RGS3: variants seen among roughly 807,000 people sequenced by gnomAD.
RGS3 encodes the protein regulator of G protein signaling 3.
Under a neutral mutation model 132.6 loss-of-function variants are expected in RGS3, and 80 were observed. The ratio of observed to expected loss-of-function variants is 0.60; its 90% confidence interval spans 0.50 to 0.73. The LOEUF is 0.73. Among genes scored for constraint, RGS3 ranks in the 30% least tolerant of loss-of-function variants. The pLI is 0.00. For synonymous variants in RGS3, 598 were observed against 620.6 expected (o/e 0.96, Z 0.54); for missense variants, 1,382 against 1,530.8 (o/e 0.90, Z 1.62).
At chr9:113,556,933 C>G (rs764815265) in intron 19 of RGS3, among the ~76,000 whole-genome samples, 17 of 152,222 alleles carry the variant, frequency 1.1e-4, no homozygotes, top group Admixed American at 2.0e-4. Flanking sequence ...GGGTCTCCCT[C>G]TTCCTACTCC....
chr9:113,469,015 C>G (rs989543767), intron 3 of RGS3, among the ~76,000 whole-genome samples: 2 of 145,400 alleles, frequency 1.4e-5, no homozygotes, highest in African/African-American at 5.1e-5. Context: ...GCAGAGTAGA[C>G]TTAGGAGTGT....
At chr9:113,479,919 G>T (rs770464501) in intron 4 of RGS3, among the ~76,000 whole-genome samples, 2 of 151,922 alleles carry the variant, frequency 1.3e-5, no homozygotes, top group Admixed American at 1.3e-4. Flanking sequence ...TTTATTCATT[G>T]GTTGACAGGC....
intron 19 of RGS3, among the ~76,000 whole-genome samples, chr9:113,553,459 A>AAAAAAAATATATATAT (rs1426114805): frequency 1.7e-5 from 1 of 58,702 alleles, no homozygotes; most frequent in African/African-American, 7.2e-5. Flanking sequence ...AAAAAAAAAA[A>AAAAAAAATATATATAT]ATATATATAT....
intron 19 of RGS3, among the ~76,000 whole-genome samples, chr9:113,569,446 T>A (rs1402638519): frequency 1.3e-5 from 2 of 152,022 alleles, no homozygotes; most frequent in African/African-American, 4.8e-5. Flanking sequence ...AAGTCAAGGG[T>A]TGGAAGCAAT....
At chr9:113,490,297 A>G (rs903327745) in intron 7 of RGS3, among the ~76,000 whole-genome samples, 2 of 152,092 alleles carry the variant, frequency 1.3e-5, no homozygotes, top group African/African-American at 4.8e-5. Context: ...TATATGGCCA[A>G]TCTTATTTCA....
chr9:113,538,428 A>AG (rs1481181334), intron 19 of RGS3, among the ~76,000 whole-genome samples: 4 of 152,294 alleles, frequency 2.6e-5, no homozygotes, highest in African/African-American at 9.6e-5. Context: ...CCTATGCCCC[A>AG]GTTTTTTTTC....
At chr9:113,594,965 C>G in exon 23 of RGS3, 2 of 1,614,122 alleles carry the variant, frequency 1.2e-6, no homozygotes, top group Non-Finnish European at 8.5e-7. Flanking sequence ...CTTGGAGAAG[C>G]TGCTGGTTCA....
At chr9:113,459,435 G>T (rs547700713), upstream of RGS3, among the ~76,000 whole-genome samples, 39 of 152,098 alleles carry the variant, frequency 2.6e-4, no homozygotes, top group South Asian at 3.1e-3. Context: ...ATACAATAAG[G>T]TTGCAGTGGT....
In RGS3 at chr9:113,593,680, G is replaced by A. The variant is rs1835562725; in HGVS notation, c.3081-750G>A. On this transcript the variant is annotated intron_variant, in intron 21 of 24. Transcript: ENST00000350696. ...CTCTGGGAGGTGCCCTGTACAGGGG[G>A]TCTAGGGAAAAGAGGGGCGAACATG... The A allele has an allele frequency of 7.2e-6, 4 of 553,818 alleles. No individual in the cohort carries two copies. The East Asian group carries it at 9.3e-5, about 13-fold the overall frequency. 34.3% of individuals were successfully genotyped at this position (553,818 alleles called of 1,614,324 possible).
exon 20 of RGS3, chr9:113,583,649 C>T (rs765962822): frequency 1.2e-6 from 2 of 1,614,178 alleles, no homozygotes; most frequent in South Asian, 1.1e-5. Context: ...AGCAAAGACT[C>T]AGCTACCTCT....
intron 10 of RGS3, among the ~76,000 whole-genome samples, chr9:113,498,709 G>A (rs1588163101): frequency 1.3e-5 from 2 of 152,266 alleles, no homozygotes; most frequent in South Asian, 2.1e-4. Flanking sequence ...GAGGTAAGGA[G>A]TTCAAGACCA....
At position 113,463,596 on chromosome 9, in the gene RGS3, C is replaced by CTGCT. The variant is rs1829526425; in HGVS notation, c.415+1395_415+1396insTGCT. ...GGTCGGCGGCGCCGCCTCCCCCACC[C>CTGCT]CGGCCCAGCTCTGCTCCGGCAGGTG... On this transcript the variant is annotated intron_variant, in intron 3 of 24. Transcript: ENST00000350696. The surrounding 1 kb of genome is among the most constrained non-coding windows in gnomAD (Gnocchi z 4.6). The CTGCT allele has an allele frequency of 9.6e-7, 1 of 1,039,914 alleles. No homozygotes were observed. The highest frequency in any genetic ancestry group is 1.3e-6 in the Non-Finnish European group (1 of 788,966). 64.4% of individuals were successfully genotyped at this position (1,039,914 alleles called of 1,614,324 possible).
chr9:113,501,343 T>C, intron 10 of RGS3: 5 of 1,222,990 alleles, frequency 4.1e-6, no homozygotes, highest in Non-Finnish European at 5.4e-6. Context: ...AATTTTAATA[T>C]AAAACTCTCC....
In RGS3 at chr9:113,579,761, C is replaced by T. The variant is rs921254124; in HGVS notation, c.2038-3689C>T. The stretch of plus-strand genomic sequence containing the variant: ...GGCAGAGATTGTGTCTGACTTGTTC[C>T]CTGCCGTCCTCCTAGTACCTACCTC... On this transcript the variant is annotated intron_variant, in intron 19 of 24. Transcript: ENST00000350696. This position sits in a 1 kb window ranked among gnomAD's most constrained non-coding sequence, Gnocchi z 4.3. Among the ~76,000 whole-genome samples, 7 of 152,274 alleles carry T rather than the reference C, an allele frequency of 4.6e-5. No individual in the cohort carries two copies. The highest frequency in any genetic ancestry group is 1.4e-4 in the African/African-American group (6 of 41,554).
chr9:113,551,082 T>G (rs1049818153), intron 19 of RGS3, among the ~76,000 whole-genome samples: 2 of 152,246 alleles, frequency 1.3e-5, no homozygotes, highest in African/African-American at 2.4e-5. Context: ...AATATTTTCA[T>G]TATCTCAAAA....
chr9:113,594,051 T>C lies in RGS3; in HGVS notation c.3081-379T>C, dbSNP rs139001882. The C allele has an allele frequency of 8.7e-6, 14 of 1,613,012 alleles. No individual in the cohort carries two copies. In the African/African-American group the frequency reaches 1.3e-4, roughly 15 times the overall value. On this transcript the variant is annotated intron_variant, in intron 21 of 24. Coordinates refer to ENST00000350696, the Ensembl canonical transcript of RGS3. ...GGGTTGGCCAGAAGGAATTTTTTTTTCCGCTCCCCCTCCTGGTCCCTCCCA... is the reference window on the plus strand; with the variant it reads ...GGGTTGGCCAGAAGGAATTTTTTTTCCCGCTCCCCCTCCTGGTCCCTCCCA...
chr9:113,542,339 G>C (rs1287246099), intron 19 of RGS3, among the ~76,000 whole-genome samples: 1 of 152,230 alleles, frequency 6.6e-6, no homozygotes. Flanking sequence ...TTGATGTCTT[G>C]TTGATTTCAT....
At chr9:113,576,380 G>T (rs1834525514) in intron 19 of RGS3, among the ~76,000 whole-genome samples, 1 of 148,854 alleles carries the variant, frequency 6.7e-6, no homozygotes, top group Non-Finnish European at 1.5e-5. Flanking sequence ...TCACCAGGCT[G>T]GAGTGCAGTG....
chr9:113,554,460 C>A (rs926912156), intron 19 of RGS3, among the ~76,000 whole-genome samples: 49 of 152,244 alleles, frequency 3.2e-4, no homozygotes, highest in African/African-American at 1.1e-3. Context: ...CACACGCCAT[C>A]ATACCCAGCT....
Sources: allele counts gnomAD v4.1 joint callset (sites outside exome capture counted in the v4.1 genomes callset), GRCh38; gene constraint gnomAD v4.1.1; non-coding constraint Gnocchi (gnomAD v3.1); transcripts MANE v1.5; gene names NCBI Gene and HGNC (gene_info 2026-07-23, HGNC 2026-07-21).